MAP3K4: variants seen among roughly 807,000 people sequenced by gnomAD.
MAP3K4 encodes mitogen-activated protein kinase kinase kinase 4.
Under a neutral mutation model 185.6 loss-of-function variants are expected in MAP3K4, and 67 were observed. The ratio of observed to expected loss-of-function variants is 0.36; its 90% CI spans 0.30 to 0.44. The LOEUF (loss-of-function observed/expected upper bound fraction) is 0.44. MAP3K4 is among the 20% of genes least tolerant of loss of function. The pLI, the probability that MAP3K4 is intolerant of heterozygous loss-of-function variation, is 1.00. For synonymous variants in MAP3K4, 702 were observed against 710.4 expected (o/e 0.99, Z 0.19); for missense variants, 1,551 against 1,995.1 (o/e 0.78, Z 4.24).
In MAP3K4 at chr6:161,031,084, G is replaced by A. The variant is rs530185615; in HGVS notation, c.153-3175G>A. ...TATGACAGTATTCATCTTCGTTTCA[G>A]TGTGATTTTTAAATGTTTACTGCTA... is the stretch of plus-strand genomic sequence containing the variant. On this transcript the variant is annotated intron_variant, in intron 1 of 26. Transcript: ENST00000392142. Among the ~76,000 whole-genome samples, 3 of 152,264 alleles carry A rather than the reference G, an allele frequency of 2.0e-5. No homozygotes were observed. In the South Asian group the frequency reaches 6.2e-4, roughly 32 times the overall value.
At chr6:161,083,322 T>C (rs1785546753) in intron 6 of MAP3K4, among the ~76,000 whole-genome samples, 1 of 152,280 alleles carries the variant, frequency 6.6e-6, no homozygotes, top group South Asian at 2.1e-4. Context: ...ATTTATTGTG[T>C]TTCTCCATCC....
chr6:161,113,004 ATAAACCTCTAAT>A (rs1778419676), intron 25 of MAP3K4, among the ~76,000 whole-genome samples: 2 of 152,264 alleles, frequency 1.3e-5, no homozygotes, highest in African/African-American at 4.8e-5. Context: ...TTTAAGAAGC[ATAAACCTCTAAT>A]TAAAACACAG....
rs766243026 is a variant in MAP3K4, at chr6:161,101,897, C to A, written c.3680C>A (p.Ser1227Tyr). The A allele has an allele frequency of 6.2e-7, 1 of 1,612,874 alleles. No individual in the cohort carries two copies. Among genetic ancestry groups the A allele is most frequent in the Non-Finnish European group, 8.5e-7 (1 of 1,178,950 alleles). Residue 1227 changes from serine (S) to tyrosine (Y), a missense_variant, in exon 18 of 27, where the codon TCC becomes TAC. This residue lies in a region of MAP3K4 where 272 missense variants were observed against 301.2 expected (regional missense o/e 0.90). Coordinates refer to ENST00000392142, the MANE Select transcript of MAP3K4 (RefSeq NM_005922.4). The surrounding 1 kb of genome is among the most constrained non-coding windows in gnomAD (Gnocchi z 5.1). Reference sequence around the variant, plus strand: ...TATTAAAAATATTAAAACAGGGGTTCCAGCGTTCCTGAAAATGATCGATTG... The same window carrying A: ...TATTAAAAATATTAAAACAGGGGTTACAGCGTTCCTGAAAATGATCGATTG... ...SISSAHDTRG[S>Y]SVPENDRLAS...
intron 2 of MAP3K4, among the ~76,000 whole-genome samples, chr6:161,036,194 G>A (rs1485151187): frequency 6.6e-6 from 1 of 152,252 alleles, no homozygotes; most frequent in East Asian, 1.9e-4. Context: ...TTTTAAAATT[G>A]TTTATTTTAT....
At chr6:161,113,209 C>G (rs983215666) in intron 25 of MAP3K4, among the ~76,000 whole-genome samples, 1 of 152,106 alleles carries the variant, frequency 6.6e-6, no homozygotes, top group African/African-American at 2.4e-5. Flanking sequence ...AACACCCTGT[C>G]GAGCCACAGA....
At position 161,084,669 on chromosome 6, in the gene MAP3K4, C is replaced by A; in HGVS notation, c.2372+52C>A. 9.3e-7 allele frequency: 1 copy of A among 1,080,762 alleles called. No homozygotes were observed. The highest frequency in any genetic ancestry group is 1.4e-6 in the Non-Finnish European group (1 of 698,498). 66.9% of individuals were successfully genotyped at this position (1,080,762 alleles called of 1,614,324 possible). A position where few individuals can be genotyped will look rare whatever the true frequency, so the allele number is the denominator to read the frequency against. ...CCACTTCTTATCTCGTAGTTTCCTT[C>A]CTCATGGTGAGATCCTAGAAGGAGC... is the stretch of plus-strand genomic sequence containing the variant. On this transcript the variant is annotated intron_variant, in intron 7 of 26. Transcript: ENST00000392142. The surrounding 1 kb of genome is among the most constrained non-coding windows in gnomAD (Gnocchi z 4.6).
At position 161,115,887 on chromosome 6, in the gene MAP3K4, A is replaced by G. The variant is rs1295413692; in HGVS notation, c.4806+585A>G. Among the ~76,000 whole-genome samples the G allele has an allele frequency of 6.6e-6, 1 of 152,170 alleles. No individual in the cohort carries two copies. Among genetic ancestry groups the G allele is most frequent in the Non-Finnish European group, 1.5e-5 (1 of 68,020 alleles). On this transcript the variant is annotated intron_variant, in intron 26 of 26. Coordinates refer to ENST00000392142, the MANE Select transcript of MAP3K4 (RefSeq NM_005922.4). The surrounding 1 kb of genome is among the most constrained non-coding windows in gnomAD (Gnocchi z 6.0). ...ACACAGGATGTGGACAAGGGCAGGA[A>G]GATAAGGCTAGAACAGTAACCAGGA...
Position 161,073,544 on chromosome 6 carries a change from CTGGAGGACT to C in MAP3K4, c.2035_2043del (p.Asp679_Glu681del). On this transcript the variant is annotated inframe_deletion, in exon 5 of 27. Coordinates refer to ENST00000392142, the MANE Select transcript of MAP3K4 (RefSeq NM_005922.4). This position sits in a 1 kb window ranked among gnomAD's most constrained non-coding sequence, Gnocchi z 4.2. ...CTACCAGTTCATGCTGCAGGAGGTT[CTGGAGGACT>C]TGGAGAAGCCCGACTGCAACATTGA... The C allele has an allele frequency of 1.2e-6, 2 of 1,613,982 alleles. No individual in the cohort carries two copies. Among genetic ancestry groups the C allele is most frequent in the South Asian group, 1.1e-5 (1 of 91,066 alleles).
chr6:161,092,834 G>C (rs1434292116), intron 13 of MAP3K4, 144 bp from the exon 14 acceptor site: 3 of 495,118 alleles, frequency 6.1e-6, no homozygotes, highest in African/African-American at 4.0e-5. Context: ...AGGTCACGCT[G>C]TAAACTTACT....
chr6:161,094,224 A>G (rs1013261500), intron 15 of MAP3K4, among the ~76,000 whole-genome samples: 9 of 152,200 alleles, frequency 5.9e-5, no homozygotes, highest in Admixed American at 1.3e-4. Flanking sequence ...GTGGCTGCAG[A>G]TCACTTCCCT....
rs757655074 is a variant in MAP3K4 at position 161,101,944 on chromosome 6, C to A, written c.3727C>A (p.Gln1243Lys). 3.1e-6 allele frequency: 5 copies of A among 1,614,120 alleles called. No individual in the cohort carries two copies. In the South Asian group the frequency reaches 5.5e-5, roughly 18 times the overall value. Residue 1243 changes from glutamine (Q) to lysine (K), a missense_variant, in exon 18 of 27, where the codon CAG becomes AAG. Around this residue, in one of 16 missense-constraint regions of MAP3K4, gnomAD observed 272 missense variants for 301.2 expected, o/e 0.90. Coordinates refer to ENST00000392142, the MANE Select transcript of MAP3K4 (RefSeq NM_005922.4). This position sits in a 1 kb window ranked among gnomAD's most constrained non-coding sequence, Gnocchi z 5.1. The stretch of plus-strand genomic sequence containing the variant: ...ATTGGCTTCCATAGCTGCTGAATTG[C>A]AGTTTAGGTCCCTGAGTCGTCACTC... ...DRLASIAAEL[Q>K]FRSLSRHSSP...
chr6:161,101,825 AT>A lies in MAP3K4; in HGVS notation c.3675-66del. The A allele has an allele frequency of 7.3e-7, 1 of 1,366,718 alleles. No individual in the cohort carries two copies. The highest frequency in any genetic ancestry group is 1.0e-6 in the Non-Finnish European group (1 of 967,430). 84.7% of individuals were successfully genotyped at this position (1,366,718 alleles called of 1,614,324 possible). A position where few individuals can be genotyped will look rare whatever the true frequency, so the allele number is the denominator to read the frequency against. On this transcript the variant is annotated intron_variant, in intron 17 of 26. Transcript: ENST00000392142. This position sits in a 1 kb window ranked among gnomAD's most constrained non-coding sequence, Gnocchi z 5.1. ...AGTTGAGAATTATTGCTCTAGAAAAATCTCGCAGATCTTTCATTTTAAGTTC... is the reference window on the plus strand; with the variant it reads ...AGTTGAGAATTATTGCTCTAGAAAAACTCGCAGATCTTTCATTTTAAGTTC...
At position 161,082,105 on chromosome 6, in the gene MAP3K4, C is replaced by G. The variant is rs1785488059; in HGVS notation, c.2255+1067C>G. ...ATGGCCAGTTCTTTTTACATCCTCT[C>G]TCTTTATTTGGAGTGGACAGTGAAC... On this transcript the variant is annotated intron_variant, in intron 6 of 26. Coordinates refer to ENST00000392142, the MANE Select transcript of MAP3K4 (RefSeq NM_005922.4). The surrounding 1 kb of genome is among the most constrained non-coding windows in gnomAD (Gnocchi z 4.2). 6.6e-6 allele frequency among the ~76,000 whole-genome samples: 1 copy of G among 152,038 alleles called. No homozygotes were observed. The highest frequency in any genetic ancestry group is 1.5e-5 in the Non-Finnish European group (1 of 68,038).
Position 161,112,031 on chromosome 6 carries a change from C to A in MAP3K4, c.4519+73C>A. Reference sequence around the variant, plus strand: ...GCTTGGGGCCTGCATGTTCCCTTCACCTTTGTTTGTCAGTAGAGATGGGAG... The same window carrying A: ...GCTTGGGGCCTGCATGTTCCCTTCAACTTTGTTTGTCAGTAGAGATGGGAG... On this transcript the variant is annotated intron_variant, in intron 24 of 26. Transcript: ENST00000392142. This position sits in a 1 kb window ranked among gnomAD's most constrained non-coding sequence, Gnocchi z 5.1. 2 of 1,570,866 alleles carry A rather than the reference C, an allele frequency of 1.3e-6. No homozygotes were observed. Among genetic ancestry groups the A allele is most frequent in the South Asian group, 1.2e-5 (1 of 83,708 alleles).
At position 161,100,865 on chromosome 6, in the gene MAP3K4, T is replaced by A. The variant is rs1777812215; in HGVS notation, c.3675-1027T>A. Among the ~76,000 whole-genome samples the A allele has an allele frequency of 6.6e-6, 1 of 152,176 alleles. No homozygotes were observed. Among genetic ancestry groups the A allele is most frequent in the Non-Finnish European group, 1.5e-5 (1 of 68,032 alleles). On this transcript the variant is annotated intron_variant, in intron 17 of 26. Transcript: ENST00000392142. This position sits in a 1 kb window ranked among gnomAD's most constrained non-coding sequence, Gnocchi z 5.8. ...TCCCGTCAGATAGTGCCGAATTTTT[T>A]ATGAACTATATGGCAGTAGAAATGT... is the stretch of plus-strand genomic sequence containing the variant.
chr6:161,039,295 A>C (rs868627067), intron 2 of MAP3K4, among the ~76,000 whole-genome samples: 20 of 151,812 alleles, frequency 1.3e-4, no homozygotes, highest in African/African-American at 4.6e-4. Flanking sequence ...AAAAAAAAAA[A>C]AAAAACATCA....
chr6:161,003,573 C>A (rs75377532), intron 1 of MAP3K4, among the ~76,000 whole-genome samples: 1 of 152,278 alleles, frequency 6.6e-6, no homozygotes, highest in Non-Finnish European at 1.5e-5. Context: ...TAGTCCTTTT[C>A]CTTGGGTCCC....
rs576820683 is a variant in MAP3K4 at position 160,993,182 on chromosome 6, C to T, written c.152+1099C>T. On this transcript the variant is annotated intron_variant, in intron 1 of 26. Transcript: ENST00000392142. ...TATAAGCTGTGAAGAAATTAGTTGC[C>T]TCTTTTAATTCTGAGATAGTTCTGG... Among the ~76,000 whole-genome samples, 37 of 152,180 alleles carry T rather than the reference C, an allele frequency of 2.4e-4. No individual in the cohort carries two copies. The Middle Eastern group carries it at 0.01, about 42-fold the overall frequency.
chr6:161,078,008 G>A (rs1010544916), intron 5 of MAP3K4, among the ~76,000 whole-genome samples: 5 of 152,196 alleles, frequency 3.3e-5, no homozygotes, highest in Non-Finnish European at 7.3e-5. Context: ...ATAAAGAAGG[G>A]AGGAAGAGAG....
Sources: allele counts gnomAD v4.1 joint callset (sites outside exome capture counted in the v4.1 genomes callset), GRCh38; gene constraint gnomAD v4.1.1; regional missense constraint gnomAD v4.1.1; non-coding constraint Gnocchi (gnomAD v3.1); transcripts MANE v1.5; gene names NCBI Gene and HGNC (gene_info 2026-07-23, HGNC 2026-07-21).